The following CSMD1 variants were observed in gnomAD, a reference collection of about 807,000 sequenced individuals.
CSMD1 encodes the protein CUB and Sushi multiple domains 1, also known as CUB and sushi domain-containing protein 1.
CSMD1 carries 213 observed loss-of-function variants against 417.5 expected under a neutral mutation model. The observed-to-expected ratio is 0.51, with a 90% CI of 0.46 to 0.57. The LOEUF is 0.57. Among genes scored for constraint, CSMD1 ranks in the 20% least tolerant of loss-of-function variants. CSMD1 has a pLI of 0.00. For synonymous variants in CSMD1, 2,862 were observed against 1,736.8 expected, an observed-to-expected ratio of 1.65 and a Z score of -16.11; for missense variants, 6,923 against 4,529.7, an observed-to-expected ratio of 1.53 and a Z score of -15.17.
At chr8:3,606,325 T>A (rs2170479) in intron 8 of CSMD1, among the ~76,000 whole-genome samples, 2 of 151,930 alleles carry the variant, frequency 1.3e-5, no homozygotes, top group Non-Finnish European at 2.9e-5. Context: ...GATACACAGC[T>A]GGGCTTCATG....
At chr8:4,869,669 T>G (rs548954375) in intron 1 of CSMD1, among the ~76,000 whole-genome samples, 1 of 152,164 alleles carries the variant, frequency 6.6e-6, no homozygotes, top group East Asian at 1.9e-4. Context: ...TAAAAAACAT[T>G]AGGGCACCAT....
At chr8:3,039,075 G>C (rs757318687) in intron 50 of CSMD1, among the ~76,000 whole-genome samples, 30 of 152,220 alleles carry the variant, frequency 2.0e-4, no homozygotes, top group Admixed American at 3.9e-4. Flanking sequence ...AGGCAGCAGA[G>C]TGGGAGCAAA....
intron 3 of CSMD1, among the ~76,000 whole-genome samples, chr8:4,040,148 G>C (rs1367682580): frequency 6.6e-6 from 1 of 152,140 alleles, no homozygotes; most frequent in Non-Finnish European, 1.5e-5. Flanking sequence ...TGAGAGTCAA[G>C]GCTATTAATG....
At chr8:3,389,993 T>A (rs1214101314) in intron 17 of CSMD1, among the ~76,000 whole-genome samples, 1 of 152,100 alleles carries the variant, frequency 6.6e-6, no homozygotes, top group Non-Finnish European at 1.5e-5. Context: ...GATACTACAT[T>A]CGATTTCCAG....
chr8:4,976,417 TAAAG>T (rs1563916139), intron 1 of CSMD1, among the ~76,000 whole-genome samples: 1 of 152,226 alleles, frequency 6.6e-6, no homozygotes, highest in East Asian at 1.9e-4. Flanking sequence ...TAATGAAATA[TAAAG>T]AAAGTTTGTT....
chr8:4,553,439 AT>A (rs34779117), intron 2 of CSMD1, among the ~76,000 whole-genome samples: 9,750 of 139,422 alleles, frequency 0.07, 306 homozygotes, highest in Middle Eastern at 0.17. Context: ...CTGAAAAAGA[AT>A]TTTTTTTTTT....
chr8:3,957,551 G>A (rs1284413445), intron 5 of CSMD1, among the ~76,000 whole-genome samples: 2 of 152,032 alleles, frequency 1.3e-5, no homozygotes, highest in Non-Finnish European at 1.5e-5. Flanking sequence ...GGGCATGGCG[G>A]GGCATACTTG....
Position 2,955,596 on chromosome 8 carries a change from C to G in CSMD1, c.9987G>C (p.Val3329=), listed in dbSNP as rs1233855379. 1.9e-6 allele frequency: 3 copies of G among 1,613,476 alleles called. No homozygotes were observed. Among genetic ancestry groups the G allele is most frequent in the Non-Finnish European group, 8.5e-7 (1 of 1,179,650 alleles). The change falls in exon 64 of 70, where the codon GTG becomes GTC. Residue 3329 remains valine, a synonymous_variant. Coordinates refer to ENST00000635120, the MANE Select transcript of CSMD1 (RefSeq NM_033225.6). ...ADMKWTGKSP[V]CKSKGVREVN... ...CCTTGATCAATGACTTACTTTTACA[C>G]ACAGGCGACTTTCCTGTCCATTTCA...
intron 2 of CSMD1, among the ~76,000 whole-genome samples, chr8:4,451,055 G>A (rs1174117522): frequency 6.6e-6 from 1 of 152,118 alleles, no homozygotes; most frequent in Admixed American, 6.5e-5. Flanking sequence ...ATTCTGCACT[G>A]CTCATTCAAT....
chr8:4,010,947 T>C (rs1024906993), intron 4 of CSMD1, among the ~76,000 whole-genome samples: 4 of 152,182 alleles, frequency 2.6e-5, no homozygotes, highest in Admixed American at 1.3e-4. Flanking sequence ...CCCATAATGA[T>C]GCCCAGCAAT....
At chr8:3,546,572 T>C (rs1227081954) in intron 10 of CSMD1, among the ~76,000 whole-genome samples, 2 of 152,030 alleles carry the variant, frequency 1.3e-5, no homozygotes, top group Non-Finnish European at 2.9e-5. Context: ...TCACCATACA[T>C]TGTTCTCCTC....
At chr8:4,297,307 C>A (rs1431561935) in intron 3 of CSMD1, among the ~76,000 whole-genome samples, 1 of 151,904 alleles carries the variant, frequency 6.6e-6, no homozygotes, top group South Asian at 2.1e-4. Context: ...ACATAAGATA[C>A]TGAGAGAAAA....
chr8:2,956,022 T>A (rs942338343), intron 63 of CSMD1, among the ~76,000 whole-genome samples: 1 of 152,118 alleles, frequency 6.6e-6, no homozygotes, highest in African/African-American at 2.4e-5. Flanking sequence ...ATTACAGGCA[T>A]GAGCCACTAC....
intron 10 of CSMD1, among the ~76,000 whole-genome samples, chr8:3,510,327 G>C (rs567407591): frequency 1.3e-5 from 2 of 151,794 alleles, no homozygotes; most frequent in African/African-American, 2.4e-5. Flanking sequence ...TCACAGGAAA[G>C]AGCAACACAG....
At chr8:2,998,766 A>C (rs2128954167) in intron 53 of CSMD1, among the ~76,000 whole-genome samples, 1 of 152,348 alleles carries the variant, frequency 6.6e-6, no homozygotes, top group African/African-American at 2.4e-5. Flanking sequence ...GTCATGCCCC[A>C]GATAACAGCA....
intron 1 of CSMD1, among the ~76,000 whole-genome samples, chr8:4,785,497 A>G (rs1436137271): frequency 6.6e-6 from 1 of 152,132 alleles, no homozygotes; most frequent in African/African-American, 2.4e-5. Context: ...AGAGACTTAG[A>G]AAGCTGATTA....
At chr8:3,261,993 G>C (rs1330322038) in intron 26 of CSMD1, among the ~76,000 whole-genome samples, 2 of 151,596 alleles carry the variant, frequency 1.3e-5, no homozygotes, top group Non-Finnish European at 2.9e-5. Flanking sequence ...TGTTACTCTT[G>C]GGGGAAACTG....
At chr8:4,034,399 C>T (rs1563343979) in intron 3 of CSMD1, among the ~76,000 whole-genome samples, 1 of 152,128 alleles carries the variant, frequency 6.6e-6, no homozygotes, top group Non-Finnish European at 1.5e-5. Context: ...TTTGAAAACA[C>T]AACAGAAAAT....
chr8:3,190,176 T>C, intron 33 of CSMD1, 61 bp from the exon 34 acceptor site: 2 of 1,389,546 alleles, frequency 1.4e-6, no homozygotes, highest in Non-Finnish European at 1.0e-6. Context: ...GGACGTTGCG[T>C]GGAACGTGGG....
Sources: allele counts gnomAD v4.1 joint callset (sites outside exome capture counted in the v4.1 genomes callset), GRCh38; gene constraint gnomAD v4.1.1; transcripts MANE v1.5; gene names NCBI Gene and HGNC (gene_info 2026-07-23, HGNC 2026-07-21).